Variants in APPL2 observed in about 807,000 individuals in gnomAD.
APPL2 encodes adaptor protein, phosphotyrosine interacting with PH domain and leucine zipper 2, also known as DCC-interacting protein 13-beta.
Under a neutral mutation model 92.7 loss-of-function variants are expected in APPL2, and 84 were observed. The observed-to-expected ratio is 0.91, with a 90% CI of 0.76 to 1.09. The LOEUF (loss-of-function observed/expected upper bound fraction) is 1.09. Among genes scored for constraint, APPL2 ranks in the 50% least tolerant of loss-of-function variants. APPL2 has a pLI of 0.00. For missense variants in APPL2, 736 were observed against 824.5 expected (o/e 0.89, Z 1.31); for synonymous variants, 291 against 291.0 (o/e 1.00, Z 0.00).
At chr12:105,202,862 T>C (rs1888331575) in intron 9 of APPL2, among the ~76,000 whole-genome samples, 1 of 152,260 alleles carries the variant, frequency 6.6e-6, no homozygotes, top group African/African-American at 2.4e-5. Flanking sequence ...GCATTTCAGA[T>C]AGACTTCTAC....
chr12:105,175,754 T>C (rs1052042607), intron 20 of APPL2, among the ~76,000 whole-genome samples: 4 of 86,350 alleles, frequency 4.6e-5, no homozygotes, highest in Admixed American at 1.4e-4. Flanking sequence ...TGGGTACTTA[T>C]CTATCATCTT....
intron 3 of APPL2, 63 bp from the exon 4 acceptor site, chr12:105,217,203 T>G: frequency 8.8e-7 from 1 of 1,133,944 alleles, no homozygotes; most frequent in Non-Finnish European, 1.3e-6. Context: ...GCACGAAGCA[T>G]CACCTGCAGA....
At chr12:105,207,838 A>T (rs1486285665) in intron 7 of APPL2, 133 bp downstream of exon 7, 7 of 744,962 alleles carry the variant, frequency 9.4e-6, no homozygotes, top group Non-Finnish European at 2.2e-6. Flanking sequence ...TTTGGAATGA[A>T]CAATTTTAAA....
chr12:105,184,806 T>C (rs976497623), intron 17 of APPL2, among the ~76,000 whole-genome samples: 2 of 152,210 alleles, frequency 1.3e-5, no homozygotes, highest in African/African-American at 2.4e-5. Context: ...TGCTGCTCTC[T>C]TGAGAGCTGG....
intron 14 of APPL2, among the ~76,000 whole-genome samples, chr12:105,192,670 C>T (rs868572763): frequency 2.8e-4 from 42 of 152,326 alleles, no homozygotes; most frequent in Middle Eastern, 3.4e-3. Context: ...AGGCCCTGCA[C>T]AGGTCTCCTC....
At chr12:105,233,295 G>C in intron 1 of APPL2, 1 of 985,462 alleles carries the variant, frequency 1.0e-6, no homozygotes, top group Non-Finnish European at 1.2e-6. Flanking sequence ...AGGAGCAGAG[G>C]CTTCTAAACA....
At chr12:105,224,940 C>T (rs1014244656) in intron 2 of APPL2, among the ~76,000 whole-genome samples, 2 of 152,104 alleles carry the variant, frequency 1.3e-5, no homozygotes, top group Non-Finnish European at 1.5e-5. Flanking sequence ...GTCTTTACCC[C>T]AATTTGAGAA....
At chr12:105,195,749 G>T in intron 11 of APPL2, 122 bp from the exon 12 acceptor site, 1 of 1,101,748 alleles carries the variant, frequency 9.1e-7, no homozygotes, top group African/African-American at 1.6e-5. Context: ...AGCATGATGA[G>T]AGGGAAAGAA....
intron 19 of APPL2, 142 bp downstream of exon 19, chr12:105,176,734 T>C (rs763670385): frequency 1.1e-4 from 116 of 1,095,302 alleles, no homozygotes; most frequent in Non-Finnish European, 1.3e-4. Context: ...AGTGAGGCCT[T>C]CTTAGGAGGT....
At chr12:105,220,179 G>A (rs11112414) in intron 2 of APPL2, among the ~76,000 whole-genome samples, 45,932 of 152,022 alleles carry the variant, frequency 0.3, 7,212 homozygotes, top group East Asian at 0.57. Context: ...AAATGCTACT[G>A]AGATCCCAAG....
chr12:105,218,406 C>T (rs563426116), intron 2 of APPL2, among the ~76,000 whole-genome samples: 38 of 151,996 alleles, frequency 2.5e-4, no homozygotes, highest in South Asian at 6.2e-4. Flanking sequence ...CAGGGAAGCA[C>T]GCATCAAAAA....
In APPL2 at chr12:105,210,612, G is replaced by A. The variant is rs533084230; in HGVS notation, c.373+618C>T. On this transcript the variant is annotated intron_variant, in intron 5 of 20. Transcript: ENST00000258530. ...CTAAGAAATATAAAATTGTCCTAAC[G>A]CTTTATTTTAGTTGAAGAACCAAAA... is the stretch of plus-strand genomic sequence containing the variant. 6.6e-5 allele frequency among the ~76,000 whole-genome samples: 10 copies of A among 152,162 alleles called. No homozygotes were observed. In the South Asian group the frequency reaches 2.1e-3, roughly 32 times the overall value.
rs1886913756 is a variant in APPL2 at position 105,188,383 on chromosome 12, GCTGT to G, written c.1520_1523del (p.Asp507AlafsTer5). 6.2e-7 allele frequency: 1 copy of G among 1,614,176 alleles called. No individual in the cohort carries two copies. Among genetic ancestry groups the G allele is most frequent in the South Asian group, 1.1e-5 (1 of 91,080 alleles). On this transcript the variant is annotated frameshift_variant, in exon 17 of 21. Coordinates refer to ENST00000258530, the MANE Select transcript of APPL2 (RefSeq NM_018171.5). LOFTEE classifies it high-confidence loss of function. ...TCGCTTCATAAATCACTTCAGTAGT[GCTGT>G]CTGTTTTAACTGCCATTGATCCCAA...
chr12:105,194,546 C>T (rs1887476155), intron 14 of APPL2, among the ~76,000 whole-genome samples: 1 of 151,880 alleles, frequency 6.6e-6, no homozygotes, highest in African/African-American at 2.4e-5. Context: ...CAAAAATTAG[C>T]CAGGTGTGGT....
intron 10 of APPL2, among the ~76,000 whole-genome samples, chr12:105,199,115 G>C (rs948570271): frequency 1.3e-5 from 2 of 152,160 alleles, no homozygotes; most frequent in African/African-American, 4.8e-5. Context: ...TGGTCTGTTT[G>C]CACATGGCCA....
At chr12:105,190,293 T>A (rs1887089783) in intron 14 of APPL2, 138 bp from the exon 15 acceptor site, 1 of 983,692 alleles carries the variant, frequency 1.0e-6, no homozygotes, top group South Asian at 1.7e-5. Context: ...ATTCTACAAA[T>A]AAACCTTCTT....
chr12:105,191,468 T>C lies in APPL2; in HGVS notation c.1242-1313A>G, dbSNP rs548644169. Reference sequence around the variant, plus strand: ...GGTAAGCACTGAAGAAAGCTATGAGTAGAAGCTTCAAGGGGAGAAAGTGAG... The same window carrying C: ...GGTAAGCACTGAAGAAAGCTATGAGCAGAAGCTTCAAGGGGAGAAAGTGAG... On this transcript the variant is annotated intron_variant, in intron 14 of 20. Coordinates refer to ENST00000258530, the MANE Select transcript of APPL2 (RefSeq NM_018171.5). Among the ~76,000 whole-genome samples, 13 of 152,086 alleles carry C rather than the reference T, an allele frequency of 8.5e-5. No individual in the cohort carries two copies. In the South Asian group the frequency reaches 1.9e-3, roughly 22 times the overall value.
intron 17 of APPL2, among the ~76,000 whole-genome samples, chr12:105,185,780 A>C (rs1224266740): frequency 6.6e-6 from 1 of 152,116 alleles, no homozygotes; most frequent in East Asian, 1.9e-4. Flanking sequence ...ATTCCACTGC[A>C]GGGGTATGTT....
In APPL2 at chr12:105,203,711, C is replaced by G. The variant is rs747681844; in HGVS notation, c.696G>C (p.Met232Ile). Residue 232 changes from methionine to isoleucine, a missense_variant, in exon 9 of 21, where the codon ATG becomes ATC. By Grantham distance (10) the Met-to-Ile change is conservative (BLOSUM62 1). Coordinates refer to ENST00000258530, the MANE Select transcript of APPL2 (RefSeq NM_018171.5). ...CCGGAGTGCAGCATTACCTTTGAAC[C>G]ATGTCTGCAACGGAGGATAAAAAGC... ...MDSFLSSVAD[M>I]VQSIQVELEA... is the part of the protein sequence containing the mutation. 1 of 1,614,164 alleles carries G rather than the reference C, an allele frequency of 6.2e-7. No homozygotes were observed. The highest frequency in any genetic ancestry group is 8.5e-7 in the Non-Finnish European group (1 of 1,179,992).
Sources: gnomAD v4.1 joint callset for allele counts (sites outside exome capture counted in the v4.1 genomes callset) on GRCh38, gnomAD v4.1.1 for gene constraint, MANE v1.5 for transcripts, NCBI Gene and HGNC (gene_info 2026-07-23, HGNC 2026-07-21) for gene names.